The following SPEG variants were observed in gnomAD, a reference collection of about 807,000 sequenced individuals.
SPEG encodes striated muscle enriched protein kinase, also known as striated muscle preferentially expressed protein kinase.
SPEG carries 114 observed loss-of-function variants against 300.4 expected under a neutral mutation model. That is an observed-to-expected ratio of 0.38 (90% CI 0.33 to 0.44). The LOEUF is 0.44. Ranked by LOEUF, SPEG falls within the 20% of genes least tolerant of loss-of-function variation. The pLI, the probability that SPEG is intolerant of heterozygous loss-of-function variation, is 1.00. For missense variants in SPEG, 4,201 were observed against 4,586.2 expected (o/e 0.92, Z 2.43); for synonymous variants, 1,964 against 2,018.9 (o/e 0.97, Z 0.73).
intron 1 of SPEG, among the ~76,000 whole-genome samples, chr2:219,437,673 T>A (rs1370363850): frequency 6.6e-6 from 1 of 152,082 alleles, no homozygotes; most frequent in African/African-American, 2.4e-5. Flanking sequence ...GAACCATGTG[T>A]GTAACTATTA....
chr2:219,491,286 C>T (rs193238985), intron 38 of SPEG, among the ~76,000 whole-genome samples: 15 of 152,336 alleles, frequency 9.8e-5, no homozygotes, highest in African/African-American at 3.6e-4. Flanking sequence ...CAGCTACCAT[C>T]GAGCACCCTG....
At position 219,451,344 on chromosome 2, in the gene SPEG, G is replaced by A; in HGVS notation, c.2257+65G>A. ...GAGGGGGTGTGTGAGAAGGGAAGGG[G>A]AGGTTCCCCCGGACTCCTCCAAGGG... is the stretch of plus-strand genomic sequence containing the variant. On this transcript the variant is annotated intron_variant, in intron 5 of 40. Transcript: ENST00000312358. This position sits in a 1 kb window ranked among gnomAD's most constrained non-coding sequence, Gnocchi z 6.4. 1 of 1,534,238 alleles carries A rather than the reference G, an allele frequency of 6.5e-7. No individual in the cohort carries two copies. Among genetic ancestry groups the A allele is most frequent in the Non-Finnish European group, 8.8e-7 (1 of 1,142,588 alleles).
intron 4 of SPEG, among the ~76,000 whole-genome samples, chr2:219,450,016 A>G (rs1012009086): frequency 2.0e-5 from 3 of 152,078 alleles, no homozygotes; most frequent in African/African-American, 7.3e-5. Flanking sequence ...TCCTTGACCC[A>G]CTTCCACTGC....
rs1689647509 is a variant in SPEG at position 219,450,312 on chromosome 2, A to T, written c.2114-824A>T. On this transcript the variant is annotated intron_variant, in intron 4 of 40. Coordinates refer to ENST00000312358, the MANE Select transcript of SPEG (RefSeq NM_005876.5). ...GAGGGTCTTTTCCCCTCCATCTTAC[A>T]GATAACAAAACTGAGGCTCAGAGAG... Among the ~76,000 whole-genome samples the T allele has an allele frequency of 2.0e-5, 3 of 152,196 alleles. No homozygotes were observed. In the South Asian group the frequency reaches 6.2e-4, roughly 32 times the overall value.
chr2:219,435,180 G>A lies in SPEG; in HGVS notation c.203G>A (p.Gly68Glu). 1 of 1,478,762 alleles carries A rather than the reference G, an allele frequency of 6.8e-7. No homozygotes were observed. Among genetic ancestry groups the A allele is most frequent in the Non-Finnish European group, 8.9e-7 (1 of 1,124,024 alleles). 91.6% of individuals were successfully genotyped at this position (1,478,762 alleles called of 1,614,324 possible). A position where few individuals can be genotyped will look rare whatever the true frequency, so the allele number is the denominator to read the frequency against. ...GTGCGGCTGCGGGTGGTGGTGAGCG[G>A]GACGCCCCAGCCCAGCCTCCGCTGG... Reference protein sequence around the residue: ...SDVRLRVVVSGTPQPSLRWFR... With the variant: ...SDVRLRVVVSETPQPSLRWFR... The change falls in exon 1 of 41, where the codon GGG (glycine) becomes GAG (glutamate). Residue 68 changes from glycine (G) to glutamate (E), a missense_variant. Gly to Glu is a moderately conservative substitution (Grantham distance 98, BLOSUM62 -2). This residue lies in a region of SPEG where 1,258 missense variants were observed against 1,293.9 expected (regional missense o/e 0.97). Coordinates refer to ENST00000312358, the MANE Select transcript of SPEG (RefSeq NM_005876.5).
chr2:219,484,646 C>T lies in SPEG; in HGVS notation c.7183C>T (p.Gln2395Ter). ...ACGGCCTGAGCGCTCACGCTCGGTGCAGGACCTCAGGGCTGTCGGAGAGCC... is the reference window on the plus strand; with the variant it reads ...ACGGCCTGAGCGCTCACGCTCGGTGTAGGACCTCAGGGCTGTCGGAGAGCC... ...VRRPERSRSV[Q>*]DLRAVGEPGL... The change falls in exon 30 of 41, where the codon CAG (glutamine) becomes TAG (stop). Residue 2395 changes from glutamine (Q) to a stop codon, truncating the protein, a stop_gained. Coordinates refer to ENST00000312358, the MANE Select transcript of SPEG (RefSeq NM_005876.5). LOFTEE classifies it high-confidence loss of function. The T allele has an allele frequency of 6.5e-7, 1 of 1,536,404 alleles. No individual in the cohort carries two copies.
At chr2:219,462,493 T>C in intron 8 of SPEG, 107 bp downstream of exon 8, 1 of 883,146 alleles carries the variant, frequency 1.1e-6, no homozygotes, top group Non-Finnish European at 1.8e-6. Flanking sequence ...GGCTTCCCCA[T>C]GATCTGCCTC....
In SPEG at chr2:219,473,689, G is replaced by A. The variant is rs761164066; in HGVS notation, c.4272-39G>A. On this transcript the variant is annotated intron_variant, in intron 17 of 40. Coordinates refer to ENST00000312358, the MANE Select transcript of SPEG (RefSeq NM_005876.5). This position sits in a 1 kb window ranked among gnomAD's most constrained non-coding sequence, Gnocchi z 4.6. ...GCCCAGCCTGGCCGGAATGCCCTGG[G>A]GCAAGATCTGGGTGACCTCCCTGTC... 1 of 1,613,220 alleles carries A rather than the reference G, an allele frequency of 6.2e-7. No homozygotes were observed. Among genetic ancestry groups the A allele is most frequent in the South Asian group, 1.1e-5 (1 of 91,046 alleles).
intron 9 of SPEG, chr2:219,465,085 G>A (rs1317221066): frequency 1.3e-5 from 2 of 158,058 alleles, no homozygotes; most frequent in African/African-American, 4.8e-5. Context: ...GGGCCCTTGG[G>A]GTGGCTTAGG....
intron 4 of SPEG, among the ~76,000 whole-genome samples, chr2:219,450,306 TC>T (rs1486286682): frequency 6.6e-6 from 1 of 152,208 alleles, no homozygotes; most frequent in Admixed American, 6.5e-5. Context: ...TTCCCCTCCA[TC>T]TTACAGATAA....
rs1559422407 is a variant in SPEG at position 219,484,419 on chromosome 2, G to C, written c.6956G>C (p.Ser2319Thr). ...ACGGTGCCCCCCAGGCCAGGCAGCA[G>C]TCTCAGTAGCAGCATCGAAAACTTG... ...VPTVPPRPGS[S>T]LSSSIENLES... Residue 2319 changes from serine (S) to threonine (T), a missense_variant, in exon 30 of 41, where the codon AGT becomes ACT. This residue lies in a region of SPEG where 1,578 missense variants were observed against 1,506.0 expected (regional missense o/e 1.05). Transcript: ENST00000312358. 6.2e-7 allele frequency: 1 copy of C among 1,611,244 alleles called. No individual in the cohort carries two copies. Among genetic ancestry groups the C allele is most frequent in the East Asian group, 2.2e-5 (1 of 44,852 alleles).
intron 13 of SPEG, among the ~76,000 whole-genome samples, chr2:219,470,592 C>A (rs2125476553): frequency 6.6e-6 from 1 of 152,276 alleles, no homozygotes; most frequent in Non-Finnish European, 1.5e-5. Flanking sequence ...GAATGGGTGA[C>A]TGTTCTATGC....
At chr2:219,476,240 T>G (rs199958119) in intron 18 of SPEG, among the ~76,000 whole-genome samples, 1 of 128,328 alleles carries the variant, frequency 7.8e-6, no homozygotes, top group Non-Finnish European at 1.7e-5. Flanking sequence ...TTGGGGGTTG[T>G]TTGTTCATCT....
chr2:219,467,530 C>A, intron 10 of SPEG, 96 bp downstream of exon 10: 2 of 1,437,960 alleles, frequency 1.4e-6, no homozygotes, highest in South Asian at 1.3e-5. Context: ...AAACAGAGCT[C>A]CAACCCCGAG....
rs1366452067 is a variant in SPEG, at chr2:219,444,401, G to A, written c.389-252G>A. Among the ~76,000 whole-genome samples the A allele has an allele frequency of 6.6e-6, 1 of 152,148 alleles. No homozygotes were observed. ...ATTGGCAGGCGGGGAGGGGGTGGCAGTTTGGAGGGCCCTACGGAGGTAAAC... is the reference window on the plus strand; with the variant it reads ...ATTGGCAGGCGGGGAGGGGGTGGCAATTTGGAGGGCCCTACGGAGGTAAAC... On this transcript the variant is annotated intron_variant, in intron 1 of 40. Coordinates refer to ENST00000312358, the MANE Select transcript of SPEG (RefSeq NM_005876.5). The surrounding 1 kb of genome is among the most constrained non-coding windows in gnomAD (Gnocchi z 7.8).
rs1693611435 is a variant in SPEG at position 219,488,109 on chromosome 2, G to A, written c.7742-85G>A. 6.0e-6 allele frequency: 5 copies of A among 836,184 alleles called. No homozygotes were observed. The Admixed American group carries it at 9.4e-5, about 16-fold the overall frequency. The allele number at this position is 836,184 out of a possible 1,614,324, so 51.8% of individuals were successfully genotyped here. A position where few individuals can be genotyped will look rare whatever the true frequency, so the allele number is the denominator to read the frequency against. The stretch of plus-strand genomic sequence containing the variant: ...AGTTTCATGCTGCTTCCTGATGGCT[G>A]TTTGCAGGCCTTCTCCACCCCTCCC... On this transcript the variant is annotated intron_variant, in intron 31 of 40. Transcript: ENST00000312358.
At chr2:219,474,884 G>A (rs1322344144) in intron 18 of SPEG, among the ~76,000 whole-genome samples, 1 of 151,214 alleles carries the variant, frequency 6.6e-6, no homozygotes, top group Non-Finnish European at 1.5e-5. Context: ...CCAGGTTCGA[G>A]TGATTCTTGT....
rs535424158 is a variant in SPEG at position 219,468,962 on chromosome 2, G to A, written c.3405G>A (p.Ala1135=). ...GCAGCGAGGACGAGGGGCTCTATGC[G>A]GTCAGTGCTGTTAACACCCATGGCC... The part of the protein sequence containing the change: ...HVGSEDEGLY[A]VSAVNTHGQA... Residue 1135 remains alanine (A), a synonymous_variant, in exon 12 of 41, where the codon GCG becomes GCA. Transcript: ENST00000312358. The A allele has an allele frequency of 8.1e-6, 13 of 1,613,950 alleles. No homozygotes were observed. The highest frequency in any genetic ancestry group is 4.5e-5 in the East Asian group (2 of 44,874).
At chr2:219,469,743 G>T (rs1353761930) in intron 13 of SPEG, among the ~76,000 whole-genome samples, 2 of 152,184 alleles carry the variant, frequency 1.3e-5, no homozygotes, top group Admixed American at 6.5e-5. Context: ...CCCAGAGCAG[G>T]GCCTGGCACC....
Sources: allele counts gnomAD v4.1 joint callset (sites outside exome capture counted in the v4.1 genomes callset), GRCh38; gene constraint gnomAD v4.1.1; regional missense constraint gnomAD v4.1.1; non-coding constraint Gnocchi (gnomAD v3.1); transcripts MANE v1.5; gene names NCBI Gene and HGNC (gene_info 2026-07-23, HGNC 2026-07-21).